The following CALN1 variants were observed in gnomAD, a reference collection of about 807,000 sequenced individuals.
CALN1 encodes the protein calcium-binding protein 8.
Under a neutral mutation model 30.6 loss-of-function variants are expected in CALN1, and 17 were observed. The ratio of observed to expected loss-of-function variants is 0.56; its 90% CI spans 0.38 to 0.83. CALN1 has a LOEUF of 0.83. Among genes scored for constraint, CALN1 ranks in the 40% least tolerant of loss-of-function variants. CALN1 has a pLI of 0.00. For missense variants in CALN1, 291 were observed against 354.9 expected (o/e 0.82, Z 1.45); for synonymous variants, 156 against 131.4 (o/e 1.19, Z -1.28).
At chr7:71,895,912 T>A (rs1793506903) in intron 5 of CALN1, among the ~76,000 whole-genome samples, 1 of 152,188 alleles carries the variant, frequency 6.6e-6, no homozygotes, top group African/African-American at 2.4e-5. Flanking sequence ...GATTCTAAAC[T>A]AATAGGAGGG....
intron 5 of CALN1, among the ~76,000 whole-genome samples, chr7:71,892,745 C>T (rs1282028036): frequency 6.6e-6 from 1 of 152,162 alleles, no homozygotes; most frequent in African/African-American, 2.4e-5. Context: ...GCTTACAAAG[C>T]CCTCCTCATT....
chr7:72,502,234 G>T, the CALN1 span, among the ~76,000 whole-genome samples: 2 of 149,456 alleles, frequency 1.3e-5, no homozygotes, highest in African/African-American at 4.9e-5. Context: ...TGCTTGTGGG[G>T]CGGGGAGGAA....
intron 6 of CALN1, among the ~76,000 whole-genome samples, chr7:71,792,175 A>G (rs185577611): frequency 7.2e-5 from 11 of 152,244 alleles, no homozygotes; most frequent in Non-Finnish European, 1.5e-5. Context: ...GCATTGTACT[A>G]TATTTTTGTA....
chr7:71,895,274 T>C (rs568816403), intron 5 of CALN1, among the ~76,000 whole-genome samples: 1 of 152,198 alleles, frequency 6.6e-6, no homozygotes, highest in East Asian at 1.9e-4. Flanking sequence ...ATTTTCAATT[T>C]GTGTGTAATT....
chr7:71,873,000 A>AGTTTT (rs1584417630), intron 5 of CALN1, among the ~76,000 whole-genome samples: 2 of 113,246 alleles, frequency 1.8e-5, no homozygotes, highest in East Asian at 4.6e-4. Context: ...AGTTTGTGAC[A>AGTTTT]ATTTTTTTTT....
At chr7:72,099,917 G>A (rs997365729) in intron 4 of CALN1, among the ~76,000 whole-genome samples, 10 of 152,186 alleles carry the variant, frequency 6.6e-5, no homozygotes, top group Non-Finnish European at 1.5e-4. Context: ...ATGATGAGTT[G>A]CAAATAAACT....
intron 5 of CALN1, among the ~76,000 whole-genome samples, chr7:72,019,477 T>C (rs957308456): frequency 1.1e-4 from 16 of 152,320 alleles, no homozygotes; most frequent in African/African-American, 3.8e-4. Flanking sequence ...TCCAACTTGA[T>C]AGCTAGGGCA....
At chr7:72,398,065 G>A (rs1806097581) in intron 2 of CALN1, among the ~76,000 whole-genome samples, 1 of 152,184 alleles carries the variant, frequency 6.6e-6, no homozygotes, top group Admixed American at 6.5e-5. Flanking sequence ...GAAGGGCCAT[G>A]ATGGAAGCCC....
chr7:72,381,341 T>C (rs1475058930), intron 2 of CALN1, among the ~76,000 whole-genome samples: 1 of 152,172 alleles, frequency 6.6e-6, no homozygotes, highest in African/African-American at 2.4e-5. Context: ...ACTGGGTATA[T>C]ACCCAAAGGA....
At chr7:71,926,137 C>A (rs540449390) in intron 5 of CALN1, among the ~76,000 whole-genome samples, 1 of 152,144 alleles carries the variant, frequency 6.6e-6, no homozygotes, top group African/African-American at 2.4e-5. Context: ...GCTAACTCCC[C>A]ACATGCTCGG....
At chr7:72,048,700 TCCCTTCTTTCCTTTTTCC>T (rs1472167721) in intron 4 of CALN1, among the ~76,000 whole-genome samples, 1 of 150,570 alleles carries the variant, frequency 6.6e-6, no homozygotes, top group Non-Finnish European at 1.5e-5. Context: ...CCCTTCTTCC[TCCCTTCTTTCCTTTTTCC>T]CTCTTCTTTC....
At chr7:71,884,921 G>A (rs1283812280) in intron 5 of CALN1, among the ~76,000 whole-genome samples, 1 of 151,946 alleles carries the variant, frequency 6.6e-6, no homozygotes, top group Non-Finnish European at 1.5e-5. Context: ...ATTTGAATAG[G>A]AAAACTTGTC....
intron 5 of CALN1, among the ~76,000 whole-genome samples, chr7:71,974,328 G>T (rs1339164322): frequency 7.2e-6 from 1 of 138,942 alleles, no homozygotes. Flanking sequence ...TGAGGCAGGA[G>T]AATTGCTTGA....
rs192890402 is a variant in CALN1 at position 71,785,410 on chromosome 7, T to C, written c.*2365A>G. Reference sequence around the variant, plus strand: ...AATCTAACCCTCACCTCTTGAAGGGTCTCTGTTCTCCAGCAGGAGGCAGAA... The same window carrying C: ...AATCTAACCCTCACCTCTTGAAGGGCCTCTGTTCTCCAGCAGGAGGCAGAA... On this transcript the variant is annotated 3_prime_UTR_variant, in exon 7 of 7. Coordinates refer to ENST00000395275, the MANE Select transcript of CALN1 (RefSeq NM_031468.4). 1.8e-3 allele frequency: 271 copies of C among 152,226 alleles called. 1 individual carries two copies. Among genetic ancestry groups the C allele is most frequent in the Non-Finnish European group, 3.1e-3 (212 of 68,052 alleles). The allele number at this position is 152,226 out of a possible 1,614,324, so 9.4% of individuals were successfully genotyped here. A position where few individuals can be genotyped will look rare whatever the true frequency, so the allele number is the denominator to read the frequency against.
intron 2 of CALN1, among the ~76,000 whole-genome samples, chr7:72,317,574 G>A (rs1044449714): frequency 6.6e-6 from 1 of 152,172 alleles, no homozygotes. Flanking sequence ...TGCAAACGCT[G>A]GAGACAGAAC....
At chr7:72,271,634 C>A (rs1797001803) in intron 3 of CALN1, among the ~76,000 whole-genome samples, 1 of 137,250 alleles carries the variant, frequency 7.3e-6, no homozygotes, top group Non-Finnish European at 1.5e-5. Context: ...ACAATGAATG[C>A]AGAGATGACA....
chr7:71,815,081 G>C (rs2097889), intron 5 of CALN1, among the ~76,000 whole-genome samples: 33,334 of 151,840 alleles, frequency 0.22, 5,855 homozygotes, highest in East Asian at 0.61. Flanking sequence ...GATCTGCCCG[G>C]CTCGGCCTCC....
At chr7:71,931,602 G>C (rs535438063) in intron 5 of CALN1, among the ~76,000 whole-genome samples, 2 of 152,224 alleles carry the variant, frequency 1.3e-5, no homozygotes, top group African/African-American at 4.8e-5. Context: ...ACGAAAACAG[G>C]TAGTGAGTTA....
At chr7:72,085,237 G>C (rs1253656971) in intron 4 of CALN1, among the ~76,000 whole-genome samples, 3 of 152,164 alleles carry the variant, frequency 2.0e-5, no homozygotes, top group Non-Finnish European at 1.5e-5. Context: ...CATTTTGGGA[G>C]GCTGAGGTGC....
Sources: allele counts gnomAD v4.1 joint callset (sites outside exome capture counted in the v4.1 genomes callset), GRCh38; gene constraint gnomAD v4.1.1; transcripts MANE v1.5; gene names NCBI Gene and HGNC (gene_info 2026-07-23, HGNC 2026-07-21).